The following TRHDE variants were observed in gnomAD, a reference collection of about 807,000 sequenced individuals.
The protein encoded by TRHDE is thyrotropin-releasing hormone-degrading ectoenzyme.
TRHDE carries 72 observed loss-of-function variants against 125.7 expected under a neutral mutation model. The ratio of observed to expected loss-of-function variants is 0.57; its 90% CI spans 0.47 to 0.70. The LOEUF (loss-of-function observed/expected upper bound fraction) is 0.70, where lower values mean the gene tolerates loss of function less well. Among genes scored for constraint, TRHDE ranks in the 30% least tolerant of loss-of-function variants. The pLI, the probability that TRHDE is intolerant of heterozygous loss-of-function variation, is 0.00. For synonymous variants in TRHDE, 509 were observed against 509.1 expected, an observed-to-expected ratio of 1.00 and a Z score of 0.00; for missense variants, 1,110 against 1,327.1, an observed-to-expected ratio of 0.84 and a Z score of 2.54.
In TRHDE at chr12:72,273,629, C is replaced by G; in HGVS notation, c.914+72C>G. 2 of 1,425,862 alleles carry G rather than the reference C, an allele frequency of 1.4e-6. No homozygotes were observed. Among genetic ancestry groups the G allele is most frequent in the East Asian group, 4.6e-5 (2 of 43,482 alleles). 88.3% of individuals were successfully genotyped at this position (1,425,862 alleles called of 1,614,324 possible). ...CTCGAACCTCTGGGCGGCCTGCGACCCCGGGGACCCAGCTGGCTTCCAATA... is the reference window on the plus strand; with the variant it reads ...CTCGAACCTCTGGGCGGCCTGCGACGCCGGGGACCCAGCTGGCTTCCAATA... On this transcript the variant is annotated intron_variant, in intron 1 of 18. Transcript: ENST00000261180. The surrounding 1 kb of genome is among the most constrained non-coding windows in gnomAD (Gnocchi z 5.3).
At chr12:72,545,831 T>C (rs1052987205) in intron 7 of TRHDE, among the ~76,000 whole-genome samples, 3 of 151,700 alleles carry the variant, frequency 2.0e-5, no homozygotes, top group African/African-American at 7.2e-5. Flanking sequence ...TTAGATGTTA[T>C]ATGCTAAGAA....
chr12:72,469,513 C>T (rs1288754391), intron 3 of TRHDE, among the ~76,000 whole-genome samples: 1 of 152,152 alleles, frequency 6.6e-6, no homozygotes, highest in Non-Finnish European at 1.5e-5. Flanking sequence ...GGCACTGATA[C>T]TTCCAGCTAC....
At chr12:72,356,402 G>A (rs1870822615) in intron 2 of TRHDE, among the ~76,000 whole-genome samples, 1 of 151,404 alleles carries the variant, frequency 6.6e-6, no homozygotes, top group African/African-American at 2.4e-5. Context: ...GGTGGGAGAA[G>A]GAAGAAGAGG....
chr12:72,615,288 T>C (rs1872773822), intron 12 of TRHDE, among the ~76,000 whole-genome samples: 1 of 152,188 alleles, frequency 6.6e-6, no homozygotes, highest in African/African-American at 2.4e-5. Context: ...TTAATTTTTG[T>C]TAGCAATATT....
At chr12:72,526,525 T>C (rs1868341487) in intron 6 of TRHDE, among the ~76,000 whole-genome samples, 1 of 152,186 alleles carries the variant, frequency 6.6e-6, no homozygotes, top group Non-Finnish European at 1.5e-5. Context: ...AATTCACAAT[T>C]ATTCTGTAAA....
chr12:72,642,852 C>G (rs1874121140), intron 15 of TRHDE, among the ~76,000 whole-genome samples: 1 of 152,108 alleles, frequency 6.6e-6, no homozygotes, highest in Non-Finnish European at 1.5e-5. Flanking sequence ...GTTTTTAGCT[C>G]ACGCTTTACA....
rs11179271 is a variant in TRHDE at position 72,597,699 on chromosome 12, A to G, written c.2322-21192A>G. On this transcript the variant is annotated intron_variant, in intron 12 of 18. Coordinates refer to ENST00000261180, the MANE Select transcript of TRHDE (RefSeq NM_013381.3). ...AAAAAAAACTAAGAGAGGTATATAT[A>G]TGTGTGTGTGTATGTATATATATAT... is the stretch of plus-strand genomic sequence containing the variant. Among the ~76,000 whole-genome samples, 241 of 66,158 alleles carry G rather than the reference A, an allele frequency of 3.6e-3. 7 individuals carry two copies. The highest frequency in any genetic ancestry group is 0.025 in the African/African-American group (174 of 6,828). 43.4% of individuals were successfully genotyped at this position (66,158 alleles called of 152,430 possible). A position where few individuals can be genotyped will look rare whatever the true frequency, so the allele number is the denominator to read the frequency against.
intron 5 of TRHDE, among the ~76,000 whole-genome samples, chr12:72,482,834 A>G (rs1181962399): frequency 6.6e-6 from 1 of 151,952 alleles, no homozygotes; most frequent in Non-Finnish European, 1.5e-5. Context: ...ATCATGATAC[A>G]CTATTGGTGG....
chr12:72,599,311 C>T (rs1038325042), intron 12 of TRHDE, among the ~76,000 whole-genome samples: 1 of 152,124 alleles, frequency 6.6e-6, no homozygotes, highest in Non-Finnish European at 1.5e-5. Context: ...CTGCTTTCCA[C>T]AAGGACCAAA....
In TRHDE at chr12:72,543,424, G is replaced by C. The variant is rs186283978; in HGVS notation, c.1788+1068G>C. Among the ~76,000 whole-genome samples, 652 of 151,414 alleles carry C rather than the reference G, an allele frequency of 4.3e-3. 3 individuals are homozygous for C. Among genetic ancestry groups the C allele is most frequent in the Non-Finnish European group, 6.7e-3 (452 of 67,518 alleles). On this transcript the variant is annotated intron_variant, in intron 7 of 18. Coordinates refer to ENST00000261180, the MANE Select transcript of TRHDE (RefSeq NM_013381.3). Reference sequence around the variant, plus strand: ...TACTTTAATCAGCTCTTTCCATTAGGGACACCTTCAGAATAGCTGAATCCA... The same window carrying C: ...TACTTTAATCAGCTCTTTCCATTAGCGACACCTTCAGAATAGCTGAATCCA...
chr12:72,662,926 T>C (rs937547776), intron 18 of TRHDE, 126 bp from the exon 19 acceptor site: 1 of 917,514 alleles, frequency 1.1e-6, no homozygotes, highest in Non-Finnish European at 1.6e-6. Context: ...TCTTCTATAG[T>C]GGTCATGGCA....
At position 72,653,090 on chromosome 12, in the gene TRHDE, G is replaced by A. The variant is rs771688480; in HGVS notation, c.2918G>A (p.Arg973Gln). The change falls in exon 17 of 19, where the codon CGA becomes CAA. Residue 973 changes from arginine to glutamine, a missense_variant. This residue lies in a region of TRHDE where 527 missense variants were observed against 651.8 expected (regional missense o/e 0.81). Transcript: ENST00000261180. ...ATTGATGTCATAATCCATGTAGCTC[G>A]AAATCCACATGGTCGAGACCTTGCC... ...DAIDVIIHVARNPHGRDLAWK... is the reference protein window; with the variant it reads ...DAIDVIIHVAQNPHGRDLAWK... The A allele has an allele frequency of 5.6e-6, 9 of 1,608,414 alleles. No homozygotes were observed. The highest frequency in any genetic ancestry group is 1.7e-4 in the Middle Eastern group (1 of 6,040).
intron 6 of TRHDE, among the ~76,000 whole-genome samples, chr12:72,533,050 A>G (rs1333631486): frequency 6.6e-6 from 1 of 152,072 alleles, no homozygotes; most frequent in Non-Finnish European, 1.5e-5. Flanking sequence ...TGTTTCCTTA[A>G]AAGTTTATTT....
intron 5 of TRHDE, among the ~76,000 whole-genome samples, chr12:72,486,427 C>A (rs1292528605): frequency 6.6e-6 from 1 of 152,164 alleles, no homozygotes; most frequent in African/African-American, 2.4e-5. Context: ...GATAAGACTC[C>A]TACTGTAGGG....
intron 1 of TRHDE, among the ~76,000 whole-genome samples, chr12:72,092,597 A>G (rs896580171): frequency 6.6e-6 from 1 of 152,216 alleles, no homozygotes; most frequent in African/African-American, 2.4e-5. Context: ...AGCAGAGAGC[A>G]TCATTTCTTT....
intron 2 of TRHDE, 82 bp from the exon 3 acceptor site, chr12:72,377,913 T>A: frequency 6.1e-6 from 6 of 989,808 alleles, no homozygotes; most frequent in Non-Finnish European, 8.6e-6. Flanking sequence ...TTCTAAGTGA[T>A]TTGTGTAGAT....
intron 9 of TRHDE, among the ~76,000 whole-genome samples, chr12:72,566,377 T>TAAC (rs1203435229): frequency 6.6e-6 from 1 of 151,758 alleles, no homozygotes; most frequent in Non-Finnish European, 1.5e-5. Context: ...CTTATAGTTA[T>TAAC]AACTATAAGG....
intron 2 of TRHDE, among the ~76,000 whole-genome samples, chr12:72,187,114 T>A (rs1445122249): frequency 1.3e-5 from 2 of 152,170 alleles, no homozygotes; most frequent in African/African-American, 4.8e-5. Flanking sequence ...GTACTTGATA[T>A]TGAGGCAACT....
intron 12 of TRHDE, among the ~76,000 whole-genome samples, chr12:72,597,751 A>ATATATG (rs1872032147): frequency 1.0e-4 from 1 of 9,656 alleles, no homozygotes; most frequent in Non-Finnish European, 2.5e-4. Flanking sequence ...ATATATATAT[A>ATATATG]TATATATGCA....
Sources: allele counts gnomAD v4.1 joint callset (sites outside exome capture counted in the v4.1 genomes callset), GRCh38; gene constraint gnomAD v4.1.1; regional missense constraint gnomAD v4.1.1; non-coding constraint Gnocchi (gnomAD v3.1); transcripts MANE v1.5; gene names NCBI Gene and HGNC (gene_info 2026-07-23, HGNC 2026-07-21).